The following RORC variants were observed in gnomAD, a reference collection of about 807,000 sequenced individuals.
The protein encoded by RORC is RAR related orphan receptor C, also known as nuclear receptor ROR-gamma.
In RORC, 13 loss-of-function variants were observed where a neutral mutation model predicts 64.5. The observed-to-expected ratio is 0.20, with a 90% CI of 0.13 to 0.32. The LOEUF is 0.32. Ranked by LOEUF, RORC falls within the 10% of genes least tolerant of loss-of-function variation. The pLI, the probability that RORC is intolerant of heterozygous loss-of-function variation, is 1.00. For synonymous variants in RORC, 277 were observed against 259.3 expected (o/e 1.07, Z -0.65); for missense variants, 468 against 669.5 (o/e 0.70, Z 3.32).
chr1:151,817,127 TGTGTGC>T (rs373965853), intron 3 of RORC, 62 bp downstream of exon 3: 13 of 967,364 alleles, frequency 1.3e-5, no homozygotes, highest in African/African-American at 1.0e-4. Flanking sequence ...TGTGTGTGTG[TGTGTGC>T]GCGCGCGCGC....
rs923224069 is a variant in RORC at position 151,830,098 on chromosome 1, G to C, written c.41-640C>G. On this transcript the variant is annotated intron_variant, in intron 1 of 10. Transcript: ENST00000318247. This position sits in a 1 kb window ranked among gnomAD's most constrained non-coding sequence, Gnocchi z 4.0. The stretch of plus-strand genomic sequence containing the variant: ...GAAAACACCAGGGCTTCAGAGATGT[G>C]GGGGTTGGGAGTAGGGGGAGAGGAT... Among the ~76,000 whole-genome samples, 1 of 152,196 alleles carries C rather than the reference G, an allele frequency of 6.6e-6. No homozygotes were observed. Among genetic ancestry groups the C allele is most frequent in the Non-Finnish European group, 1.5e-5 (1 of 68,032 alleles).
At chr1:151,817,868 A>G (rs1267253590) in intron 2 of RORC, among the ~76,000 whole-genome samples, 1 of 152,224 alleles carries the variant, frequency 6.6e-6, no homozygotes, top group Non-Finnish European at 1.5e-5. Context: ...CGGGGGCTCA[A>G]CACCCCAGCT....
chr1:151,830,953 A>G lies in RORC; in HGVS notation c.40+772T>C. 3.1e-6 allele frequency: 4 copies of G among 1,289,230 alleles called. No homozygotes were observed. The highest frequency in any genetic ancestry group is 4.0e-6 in the Non-Finnish European group (4 of 988,764). 79.9% of individuals were successfully genotyped at this position (1,289,230 alleles called of 1,614,324 possible). On this transcript the variant is annotated intron_variant, in intron 1 of 10. Coordinates refer to ENST00000318247, the MANE Select transcript of RORC (RefSeq NM_005060.4). This position sits in a 1 kb window ranked among gnomAD's most constrained non-coding sequence, Gnocchi z 4.0. ...CCAGGCAGCCAGTTCTTCCTCCACC[A>G]GGTGGCCCTGGAGCTTGGTGGCTCT... is the stretch of plus-strand genomic sequence containing the variant.
rs1572032123 is a variant in RORC at position 151,807,403 on chromosome 1, A to G, written c.*69T>C. ...GGGTTCATGGGAAAGGAAAAGGGTG[A>G]GGGTGGAACGGGGTCCAGGGAGGTG... On this transcript the variant is annotated 3_prime_UTR_variant, in exon 11 of 11. Coordinates refer to ENST00000318247, the MANE Select transcript of RORC (RefSeq NM_005060.4). This position sits in a 1 kb window ranked among gnomAD's most constrained non-coding sequence, Gnocchi z 5.0. 1.3e-6 allele frequency: 2 copies of G among 1,502,782 alleles called. No individual in the cohort carries two copies. The highest frequency in any genetic ancestry group is 2.0e-4 in the Middle Eastern group (1 of 4,914). The allele number at this position is 1,502,782 out of a possible 1,614,324, so 93.1% of individuals were successfully genotyped here.
At chr1:151,821,142 T>G (rs1194384545) in intron 2 of RORC, among the ~76,000 whole-genome samples, 1 of 152,186 alleles carries the variant, frequency 6.6e-6, no homozygotes, top group Non-Finnish European at 1.5e-5. Context: ...GCTGTGAGAT[T>G]CAATGATAGT....
At chr1:151,825,752 C>T (rs371432153) in intron 2 of RORC, among the ~76,000 whole-genome samples, 1 of 152,142 alleles carries the variant, frequency 6.6e-6, no homozygotes, top group African/African-American at 2.4e-5. Flanking sequence ...GTCAGGGAGC[C>T]GCCTGGCCAG....
rs773547107 is a variant in RORC, at chr1:151,815,080, T to C, written c.644A>G (p.Glu215Gly). The C allele has an allele frequency of 5.6e-6, 9 of 1,614,082 alleles. No homozygotes were observed. The Admixed American group carries it at 1.5e-4, about 27-fold the overall frequency. The change falls in exon 5 of 11, where the codon GAG becomes GGG. Residue 215 changes from glutamate to glycine, a missense_variant. Physicochemically the swap from Glu to Gly is moderately conservative, Grantham distance 98. This residue lies in a region of RORC where 241 missense variants were observed against 295.5 expected (regional missense o/e 0.82). Transcript: ENST00000318247. Reference protein sequence around the residue: ...SPERGKAEGRESFYSTGSQLT... With the variant: ...SPERGKAEGRGSFYSTGSQLT... ...CTGGCTGCCTGTGCTATAGAAGCTC[T>C]CTCTGCCCTCAGCCTTGCCCCGCTC...
At position 151,807,366 on chromosome 1, in the gene RORC, G is replaced by T; in HGVS notation, c.*106C>A. The stretch of plus-strand genomic sequence containing the variant: ...TGCTCACTTCCAAAGAGCTGGTGGG[G>T]ACCACCCTCCAGGGTTCATGGGAAA... On this transcript the variant is annotated 3_prime_UTR_variant, in exon 11 of 11. Coordinates refer to ENST00000318247, the MANE Select transcript of RORC (RefSeq NM_005060.4). The surrounding 1 kb of genome is among the most constrained non-coding windows in gnomAD (Gnocchi z 5.0). 1 of 1,184,716 alleles carries T rather than the reference G, an allele frequency of 8.4e-7. No individual in the cohort carries two copies. The highest frequency in any genetic ancestry group is 1.2e-6 in the Non-Finnish European group (1 of 845,578). 73.4% of individuals were successfully genotyped at this position (1,184,716 alleles called of 1,614,324 possible).
rs1652386072 is a variant in RORC, at chr1:151,830,872, G to GC, written c.40+852dup. On this transcript the variant is annotated intron_variant, in intron 1 of 10. Transcript: ENST00000318247. The surrounding 1 kb of genome is among the most constrained non-coding windows in gnomAD (Gnocchi z 4.0). Reference sequence around the variant, plus strand: ...CTCCCTGACGTGGCACCGGCTCCTGGCCTCTAGCCTTGCACCTCAGAGCAG... The same window carrying GC: ...CTCCCTGACGTGGCACCGGCTCCTGGCCCTCTAGCCTTGCACCTCAGAGCAG... 1.7e-6 allele frequency: 2 copies of GC among 1,178,200 alleles called. No individual in the cohort carries two copies. Among genetic ancestry groups the GC allele is most frequent in the South Asian group, 2.8e-5 (2 of 71,974 alleles). 73.0% of individuals were successfully genotyped at this position (1,178,200 alleles called of 1,614,324 possible).
chr1:151,815,526 C>T (rs1651724683), intron 4 of RORC, 101 bp from the exon 5 acceptor site: 1 of 1,413,758 alleles, frequency 7.1e-7, no homozygotes, highest in South Asian at 1.6e-5. Context: ...TTGCTGCTCT[C>T]TGAATGGCTG....
Position 151,827,833 on chromosome 1 carries a change from G to A in RORC, c.70+1596C>T, listed in dbSNP as rs1652256404. Reference sequence around the variant, plus strand: ...GGTGGGATGGGAAAGGGATAAGGAGGTATAGTCCTGGCTGAGGTTTCTGAG... The same window carrying A: ...GGTGGGATGGGAAAGGGATAAGGAGATATAGTCCTGGCTGAGGTTTCTGAG... On this transcript the variant is annotated intron_variant, in intron 2 of 10. Coordinates refer to ENST00000318247, the MANE Select transcript of RORC (RefSeq NM_005060.4). 2.6e-5 allele frequency among the ~76,000 whole-genome samples: 4 copies of A among 152,308 alleles called. No individual in the cohort carries two copies. The South Asian group carries it at 8.3e-4, about 32-fold the overall frequency.
At chr1:151,827,973 C>G (rs1013546625) in intron 2 of RORC, among the ~76,000 whole-genome samples, 3 of 151,968 alleles carry the variant, frequency 2.0e-5, no homozygotes, top group Admixed American at 6.6e-5. Context: ...CCAGCTCACC[C>G]GCGTCACTCC....
chr1:151,826,887 G>A (rs1451209516), intron 2 of RORC, among the ~76,000 whole-genome samples: 1 of 152,236 alleles, frequency 6.6e-6, no homozygotes, highest in Non-Finnish European at 1.5e-5. Flanking sequence ...GGAGCCCAAG[G>A]TGGGTGGATC....
chr1:151,817,994 T>C (rs955039609), intron 2 of RORC, among the ~76,000 whole-genome samples: 5 of 152,242 alleles, frequency 3.3e-5, no homozygotes, highest in African/African-American at 1.2e-4. Flanking sequence ...TGAACACTTA[T>C]GTTTGTACAA....
At chr1:151,816,640 A>AG in intron 4 of RORC, 24 bp downstream of exon 4, 1 of 1,591,688 alleles carries the variant, frequency 6.3e-7, no homozygotes. Flanking sequence ...GGAAAACCCC[A>AG]GGGGGCTGTC....
intron 2 of RORC, among the ~76,000 whole-genome samples, chr1:151,819,104 C>T (rs1053411583): frequency 6.6e-6 from 1 of 152,020 alleles, no homozygotes; most frequent in Non-Finnish European, 1.5e-5. Flanking sequence ...CAGGACCAGG[C>T]GGTAAGTGAG....
chr1:151,809,835 A>G (rs1160286276), intron 10 of RORC, among the ~76,000 whole-genome samples: 1 of 152,210 alleles, frequency 6.6e-6, no homozygotes, highest in East Asian at 1.9e-4. Flanking sequence ...TGGTTCCTTT[A>G]TACTGGTTCC....
At chr1:151,818,057 G>T (rs1651838721) in intron 2 of RORC, among the ~76,000 whole-genome samples, 1 of 152,202 alleles carries the variant, frequency 6.6e-6, no homozygotes. Context: ...AAAAATGGCT[G>T]AGACTAGAGA....
chr1:151,814,079 C>T (rs1651647437), intron 6 of RORC: 1 of 177,256 alleles, frequency 5.6e-6, no homozygotes, highest in Non-Finnish European at 1.2e-5. Context: ...GACTTTGGTT[C>T]CACCACTTTG....
Sources: gnomAD v4.1 joint callset for allele counts (sites outside exome capture counted in the v4.1 genomes callset) on GRCh38, gnomAD v4.1.1 for gene constraint, gnomAD v4.1.1 regional missense constraint, Gnocchi (gnomAD v3.1) non-coding constraint, MANE v1.5 for transcripts, NCBI Gene and HGNC (gene_info 2026-07-23, HGNC 2026-07-21) for gene names.